The following CNTN3 variants were observed in gnomAD, a reference collection of about 807,000 sequenced individuals.
CNTN3 encodes the protein contactin-3.
A neutral mutation model predicts 119.1 loss-of-function variants in CNTN3; 60 were observed. The observed-to-expected ratio is 0.50, with a 90% CI of 0.41 to 0.62. The LOEUF is 0.62. Ranked by LOEUF, CNTN3 falls within the 20% of genes least tolerant of loss-of-function variation. The pLI, the probability that CNTN3 is intolerant of heterozygous loss-of-function variation, is 0.00. For synonymous variants in CNTN3, 450 were observed against 438.7 expected (o/e 1.03, Z -0.32); for missense variants, 1,101 against 1,242.4 (o/e 0.89, Z 1.71).
rs765332501 is a variant in CNTN3, at chr3:74,371,235, C to T, written c.619G>A (p.Val207Met). The T allele has an allele frequency of 4.3e-6, 7 of 1,613,278 alleles. No individual in the cohort carries two copies. The highest frequency in any genetic ancestry group is 2.2e-5 in the South Asian group (2 of 91,080). The change falls in exon 6 of 23, where the codon GTG becomes ATG. Residue 207 changes from valine to methionine, a missense_variant. Transcript: ENST00000263665. The stretch of plus-strand genomic sequence containing the variant: ...ACCAAAGGAGTTGGAGAGCCCAGCA[C>T]TCGGGCATTTGTCACCATACTTGTC... ...VVTSMVTNAR[V>M]LGSPTPLVLR...
At chr3:74,597,360 A>G (rs1397981278) in intron 1 of CNTN3, among the ~76,000 whole-genome samples, 2 of 152,016 alleles carry the variant, frequency 1.3e-5, no homozygotes, top group East Asian at 1.9e-4. Flanking sequence ...AAATCTTTCT[A>G]GAACTACATG....
intron 20 of CNTN3, among the ~76,000 whole-genome samples, chr3:74,283,199 C>T (rs895066100): frequency 6.6e-6 from 1 of 152,070 alleles, no homozygotes; most frequent in Non-Finnish European, 1.5e-5. Context: ...GATTTGGATG[C>T]CCATCCTGTT....
intron 13 of CNTN3, among the ~76,000 whole-genome samples, chr3:74,316,769 C>CA (rs1033912412): frequency 5.6e-4 from 85 of 150,916 alleles, no homozygotes; most frequent in Admixed American, 1.1e-3. Context: ...ACAAAAAATA[C>CA]AAAAAAAAAT....
intron 20 of CNTN3, among the ~76,000 whole-genome samples, chr3:74,269,815 A>C (rs1701734457): frequency 6.6e-6 from 1 of 152,150 alleles, no homozygotes; most frequent in Non-Finnish European, 1.5e-5. Context: ...AATAGTCAAA[A>C]ATTCACAGAG....
intron 4 of CNTN3, among the ~76,000 whole-genome samples, chr3:74,437,075 T>C (rs1298238485): frequency 6.6e-6 from 1 of 152,200 alleles, no homozygotes; most frequent in Non-Finnish European, 1.5e-5. Context: ...GTACTGCCTC[T>C]GACTATATCA....
chr3:74,430,674 T>C (rs1253845094), intron 4 of CNTN3, among the ~76,000 whole-genome samples: 1 of 152,090 alleles, frequency 6.6e-6, no homozygotes, highest in Non-Finnish European at 1.5e-5. Context: ...CAAAGGGTAC[T>C]ATGAGGGATC....
chr3:74,353,416 T>C (rs1703859881), intron 11 of CNTN3, among the ~76,000 whole-genome samples: 2 of 152,210 alleles, frequency 1.3e-5, no homozygotes. Context: ...TTTATGGAAC[T>C]ACTTGATCAG....
intron 2 of CNTN3, among the ~76,000 whole-genome samples, chr3:74,503,345 C>T (rs1488221358): frequency 6.6e-6 from 1 of 152,116 alleles, no homozygotes; most frequent in Non-Finnish European, 1.5e-5. Flanking sequence ...AAATTTAAGG[C>T]TCCTAAAGGC....
intron 5 of CNTN3, among the ~76,000 whole-genome samples, chr3:74,396,983 A>G (rs1227710148): frequency 6.6e-6 from 1 of 152,186 alleles, no homozygotes; most frequent in African/African-American, 2.4e-5. Context: ...ATGTAGATGA[A>G]ATAGCCTTCT....
intron 4 of CNTN3, among the ~76,000 whole-genome samples, chr3:74,461,197 C>T (rs1041701942): frequency 3.3e-5 from 5 of 151,806 alleles, no homozygotes; most frequent in Middle Eastern, 3.2e-3. Flanking sequence ...GGGATAAACC[C>T]TATTTGAACA....
chr3:74,383,879 G>A (rs888089797), intron 5 of CNTN3, among the ~76,000 whole-genome samples: 8 of 152,078 alleles, frequency 5.3e-5, no homozygotes, highest in Admixed American at 3.3e-4. Flanking sequence ...TGTGATTTTC[G>A]AAATTACAGA....
intron 5 of CNTN3, among the ~76,000 whole-genome samples, chr3:74,414,877 CTTTTTTTT>C (rs71129747): frequency 8.5e-6 from 1 of 117,146 alleles, no homozygotes; most frequent in Non-Finnish European, 1.7e-5. Context: ...TTCCTATAGT[CTTTTTTTT>C]TTTTTTTTTT....
At chr3:74,301,202 GT>G (rs1350539757) in intron 16 of CNTN3, among the ~76,000 whole-genome samples, 195 bp downstream of exon 16, 4 of 152,154 alleles carry the variant, frequency 2.6e-5, no homozygotes, top group African/African-American at 9.7e-5. Flanking sequence ...TCTTGGAAAT[GT>G]CATACTACAT....
chr3:74,436,960 A>C (rs375014854), intron 4 of CNTN3, among the ~76,000 whole-genome samples: 1 of 152,196 alleles, frequency 6.6e-6, no homozygotes, highest in Non-Finnish European at 1.5e-5. Flanking sequence ...TTACAAAACA[A>C]AAAACACACA....
At chr3:74,457,883 T>C (rs1575745860) in intron 4 of CNTN3, among the ~76,000 whole-genome samples, 1 of 151,994 alleles carries the variant, frequency 6.6e-6, no homozygotes, top group South Asian at 2.1e-4. Context: ...ACATGCCCCA[T>C]GAAGAGAATT....
intron 1 of CNTN3, among the ~76,000 whole-genome samples, chr3:74,613,076 C>T (rs1705109059): frequency 6.6e-6 from 1 of 152,180 alleles, no homozygotes; most frequent in Non-Finnish European, 1.5e-5. Flanking sequence ...AAAAGTAACA[C>T]ATTTGACTTG....
At chr3:74,408,872 C>T (rs1453248047) in intron 5 of CNTN3, among the ~76,000 whole-genome samples, 1 of 152,044 alleles carries the variant, frequency 6.6e-6, no homozygotes, top group African/African-American at 2.4e-5. Flanking sequence ...AGGTTGTTTC[C>T]CCAAAGTCTT....
intron 20 of CNTN3, among the ~76,000 whole-genome samples, chr3:74,268,019 AAG>A (rs1223419112): frequency 1.3e-5 from 2 of 152,130 alleles, no homozygotes; most frequent in Non-Finnish European, 2.9e-5. Flanking sequence ...GAAAAATTGC[AAG>A]AGAGTCTATA....
intron 5 of CNTN3, among the ~76,000 whole-genome samples, chr3:74,409,751 T>C (rs1292935267): frequency 6.6e-6 from 1 of 152,176 alleles, no homozygotes; most frequent in Non-Finnish European, 1.5e-5. Flanking sequence ...GACTAAGAAG[T>C]CAATTTTTAG....
Sources: gnomAD v4.1 joint callset for allele counts (sites outside exome capture counted in the v4.1 genomes callset) on GRCh38, gnomAD v4.1.1 for gene constraint, MANE v1.5 for transcripts, NCBI Gene and HGNC (gene_info 2026-07-23, HGNC 2026-07-21) for gene names.